EXOC6B: variants seen among roughly 807,000 people sequenced by gnomAD.
The protein encoded by EXOC6B is exocyst complex component 6B.
A neutral mutation model predicts 113.5 loss-of-function variants in EXOC6B; 54 were observed. The ratio of observed to expected loss-of-function variants is 0.48; its 90% confidence interval spans 0.38 to 0.60. The LOEUF is 0.60. EXOC6B is among the 20% of genes least tolerant of loss of function. EXOC6B has a pLI of 0.00. For synonymous variants in EXOC6B, 357 were observed against 339.0 expected (o/e 1.05, Z -0.58); for missense variants, 797 against 977.5 (o/e 0.82, Z 2.46).
intron 1 of EXOC6B, among the ~76,000 whole-genome samples, chr2:72,767,610 G>T (rs1683144671): frequency 6.7e-6 from 1 of 150,286 alleles, no homozygotes; most frequent in Non-Finnish European, 1.5e-5. Flanking sequence ...AGGAGTTTGA[G>T]ACCAACCTGG....
intron 6 of EXOC6B, among the ~76,000 whole-genome samples, chr2:72,712,291 T>C (rs1300298110): frequency 1.3e-5 from 2 of 152,188 alleles, no homozygotes; most frequent in African/African-American, 4.8e-5. Flanking sequence ...CAAACTGCTA[T>C]AAATTTAGCA....
chr2:72,663,805 A>G (rs749109738), intron 6 of EXOC6B, among the ~76,000 whole-genome samples: 1 of 152,216 alleles, frequency 6.6e-6, no homozygotes, highest in Non-Finnish European at 1.5e-5. Flanking sequence ...TAAGAACTAT[A>G]GAATATACAA....
intron 18 of EXOC6B, among the ~76,000 whole-genome samples, chr2:72,401,907 T>A (rs1344872195): frequency 6.6e-6 from 1 of 151,124 alleles, no homozygotes; most frequent in Non-Finnish European, 1.5e-5. Context: ...GACAGTTGAC[T>A]TTTCAACAGA....
At chr2:72,538,708 T>C (rs1406487931) in intron 8 of EXOC6B, among the ~76,000 whole-genome samples, 1 of 152,202 alleles carries the variant, frequency 6.6e-6, no homozygotes, top group African/African-American at 2.4e-5. Context: ...TTGTGCATAC[T>C]AGAAGTACGC....
At chr2:72,369,175 T>C (rs1309847173) in intron 19 of EXOC6B, among the ~76,000 whole-genome samples, 2 of 152,166 alleles carry the variant, frequency 1.3e-5, no homozygotes, top group East Asian at 1.9e-4. Context: ...AGTCTCAGGA[T>C]ACAAAATCAA....
At chr2:72,671,792 AAAGAAAG>A (rs1235335952) in intron 6 of EXOC6B, among the ~76,000 whole-genome samples, 2 of 104,758 alleles carry the variant, frequency 1.9e-5, no homozygotes, top group Non-Finnish European at 3.9e-5. Context: ...AGAAAGAAAG[AAAGAAAG>A]AAAGAAAGAA....
At chr2:72,198,776 T>G (rs1056671473) in intron 20 of EXOC6B, among the ~76,000 whole-genome samples, 3 of 152,208 alleles carry the variant, frequency 2.0e-5, no homozygotes, top group African/African-American at 7.2e-5. Flanking sequence ...TGAGTTCTTT[T>G]GTATGTGTCT....
At chr2:72,494,345 G>A (rs970517481) in intron 15 of EXOC6B, among the ~76,000 whole-genome samples, 2 of 152,192 alleles carry the variant, frequency 1.3e-5, no homozygotes, top group Non-Finnish European at 2.9e-5. Context: ...CCAGGCAGGT[G>A]GGGGATGGAA....
intron 6 of EXOC6B, among the ~76,000 whole-genome samples, chr2:72,610,663 A>C (rs975042014): frequency 2.0e-5 from 3 of 152,154 alleles, no homozygotes; most frequent in African/African-American, 7.2e-5. Flanking sequence ...AATTAATAAG[A>C]GGTGGGGTAA....
intron 20 of EXOC6B, among the ~76,000 whole-genome samples, chr2:72,214,216 G>A (rs538867073): frequency 9.8e-5 from 12 of 122,996 alleles, no homozygotes; most frequent in Admixed American, 9.6e-4. Context: ...GGCCGTGCAC[G>A]GTGGCTCATG....
intron 6 of EXOC6B, among the ~76,000 whole-genome samples, chr2:72,715,086 GA>G (rs1022213096): frequency 1.4e-4 from 21 of 152,222 alleles, no homozygotes; most frequent in Admixed American, 1.3e-3. Context: ...CCAACATGGT[GA>G]AGCCCCGTCT....
intron 18 of EXOC6B, among the ~76,000 whole-genome samples, chr2:72,386,520 C>A (rs1692039849): frequency 6.6e-6 from 1 of 152,220 alleles, no homozygotes; most frequent in South Asian, 2.1e-4. Flanking sequence ...GAACCAAGGC[C>A]TCACTACCCT....
At chr2:72,576,921 T>C (rs1344543767) in intron 6 of EXOC6B, among the ~76,000 whole-genome samples, 16 of 152,026 alleles carry the variant, frequency 1.1e-4, no homozygotes, top group African/African-American at 1.9e-4. Context: ...CAGTGGCAAA[T>C]AGAAATTAGT....
intron 18 of EXOC6B, among the ~76,000 whole-genome samples, chr2:72,385,542 G>T (rs890711444): frequency 6.6e-6 from 1 of 151,402 alleles, no homozygotes; most frequent in Non-Finnish European, 1.5e-5. Context: ...AAAGCTTCAG[G>T]ACAGCAAAGG....
chr2:72,718,812 C>T (rs981600494), intron 5 of EXOC6B, among the ~76,000 whole-genome samples: 3 of 152,174 alleles, frequency 2.0e-5, no homozygotes, highest in Non-Finnish European at 4.4e-5. Flanking sequence ...CGCCAGTGCA[C>T]TCCAGCCTAG....
chr2:72,296,820 T>C (rs7577877), intron 20 of EXOC6B, among the ~76,000 whole-genome samples: 53,610 of 152,082 alleles, frequency 0.35, 15,052 homozygotes, highest in African/African-American at 0.78. Flanking sequence ...TAATCATGAA[T>C]GAAATTCCCC....
chr2:72,692,967 A>C (rs1157668264), intron 6 of EXOC6B, among the ~76,000 whole-genome samples: 1 of 152,168 alleles, frequency 6.6e-6, no homozygotes, highest in Non-Finnish European at 1.5e-5. Context: ...ACTCCCCTAA[A>C]CTATCCTTAA....
intron 1 of EXOC6B, among the ~76,000 whole-genome samples, chr2:72,768,061 G>T (rs1353313069): frequency 2.1e-5 from 3 of 143,336 alleles, no homozygotes; most frequent in African/African-American, 7.5e-5. Flanking sequence ...AGGTTACAGT[G>T]AGTTGAGATC....
chr2:72,490,400 T>C (rs1396712516), intron 16 of EXOC6B, among the ~76,000 whole-genome samples: 1 of 152,154 alleles, frequency 6.6e-6, no homozygotes, highest in African/African-American at 2.4e-5. Flanking sequence ...CTTTGAAGAA[T>C]ATAAACTGCT....
Sources: gnomAD v4.1 joint callset for allele counts (sites outside exome capture counted in the v4.1 genomes callset) on GRCh38, gnomAD v4.1.1 for gene constraint, MANE v1.5 for transcripts, NCBI Gene and HGNC (gene_info 2026-07-23, HGNC 2026-07-21) for gene names.